The following SMARCC1 variants were observed in gnomAD, a reference collection of about 807,000 sequenced individuals.
The protein encoded by SMARCC1 is SWI/SNF complex subunit SMARCC1.
Under a neutral mutation model 147.4 loss-of-function variants are expected in SMARCC1, and 43 were observed. The observed-to-expected ratio is 0.29, with a 90% confidence interval of 0.23 to 0.38. The LOEUF (loss-of-function observed/expected upper bound fraction) is 0.38, where lower values mean the gene tolerates loss of function less well. Among genes scored for constraint, SMARCC1 ranks in the 10% least tolerant of loss-of-function variants. The pLI, the probability that SMARCC1 is intolerant of heterozygous loss-of-function variation, is 1.00. For missense variants in SMARCC1, 1,119 were observed against 1,381.1 expected (o/e 0.81, Z 3.01); for synonymous variants, 495 against 484.4 (o/e 1.02, Z -0.29).
At chr3:47,728,078 CTTTTTTTT>C (rs1166964500) in intron 6 of SMARCC1, among the ~76,000 whole-genome samples, 28 of 56,876 alleles carry the variant, frequency 4.9e-4, no homozygotes, top group East Asian at 4.2e-3. Context: ...TTATTAGTCC[CTTTTTTTT>C]TTTTTTTTTT....
chr3:47,740,850 CA>C (rs60339024), intron 3 of SMARCC1, among the ~76,000 whole-genome samples: 138 of 77,854 alleles, frequency 1.8e-3, no homozygotes, highest in Admixed American at 8.2e-3. Flanking sequence ...GACTCTGACT[CA>C]AAAAAAAAAA....
intron 24 of SMARCC1, among the ~76,000 whole-genome samples, chr3:47,625,693 G>T (rs932513032): frequency 1.3e-5 from 2 of 152,060 alleles, no homozygotes; most frequent in Non-Finnish European, 1.5e-5. Flanking sequence ...GTGGATCATA[G>T]ATCTAAATAT....
At chr3:47,638,901 C>A in intron 21 of SMARCC1, 121 bp from the exon 22 acceptor site, 1 of 718,808 alleles carries the variant, frequency 1.4e-6, no homozygotes, top group Non-Finnish European at 2.4e-6. Flanking sequence ...AATATCATAG[C>A]CATACAGTTG....
intron 2 of SMARCC1, among the ~76,000 whole-genome samples, chr3:47,767,259 G>A (rs2034851683): frequency 7.6e-6 from 1 of 131,554 alleles, no homozygotes; most frequent in African/African-American, 2.8e-5. Flanking sequence ...TTTTTTTTGA[G>A]ATGGAGTTTC....
rs1576379219 is a variant in SMARCC1, at chr3:47,588,131, A to C, written c.*78T>G. 5.1e-6 allele frequency: 6 copies of C among 1,179,638 alleles called. No homozygotes were observed. Among genetic ancestry groups the C allele is most frequent in the East Asian group, 4.7e-5 (2 of 42,276 alleles). 73.1% of individuals were successfully genotyped at this position (1,179,638 alleles called of 1,614,324 possible). A position where few individuals can be genotyped will look rare whatever the true frequency, so the allele number is the denominator to read the frequency against. On this transcript the variant is annotated 3_prime_UTR_variant, in exon 28 of 28. Transcript: ENST00000254480. ...AGAAAAATCCTGAAAGAAACCCAAGAAAGTTGAGGAACACAAGTCTTGTCA... is the reference window on the plus strand; with the variant it reads ...AGAAAAATCCTGAAAGAAACCCAAGCAAGTTGAGGAACACAAGTCTTGTCA...
At chr3:47,746,277 A>T (rs2034563148) in intron 2 of SMARCC1, 1 of 237,004 alleles carries the variant, frequency 4.2e-6, no homozygotes, top group Admixed American at 5.6e-5. Flanking sequence ...AGGGAGATCC[A>T]GTCTCTAGAA....
rs576667105 is a variant in SMARCC1 at position 47,690,121 on chromosome 3, T to C, written c.1226-697A>G. 2.0e-5 allele frequency among the ~76,000 whole-genome samples: 3 copies of C among 152,160 alleles called. No homozygotes were observed. The East Asian group carries it at 5.8e-4, about 29-fold the overall frequency. On this transcript the variant is annotated intron_variant, in intron 12 of 27. Coordinates refer to ENST00000254480, the MANE Select transcript of SMARCC1 (RefSeq NM_003074.4). ...CTACAGTCCCAGATACTCTGGAGAC[T>C]GAAGTGGGAGACTCACTCAAGGCAA...
At chr3:47,689,156 G>A (rs192608864) in intron 13 of SMARCC1, among the ~76,000 whole-genome samples, 7 of 152,214 alleles carry the variant, frequency 4.6e-5, no homozygotes. Flanking sequence ...AGGTTACAGT[G>A]AGAACCAACA....
intron 1 of SMARCC1, among the ~76,000 whole-genome samples, chr3:47,777,942 A>C (rs2034995071): frequency 6.6e-6 from 1 of 151,832 alleles, no homozygotes; most frequent in South Asian, 2.1e-4. Context: ...ACAGTGGCTC[A>C]TGCCTGTAAT....
chr3:47,742,250 G>C (rs1371003187), intron 3 of SMARCC1, among the ~76,000 whole-genome samples: 1 of 150,622 alleles, frequency 6.6e-6, no homozygotes, highest in Admixed American at 6.6e-5. Flanking sequence ...CTGGGTGACA[G>C]AGCAAGACTC....
At chr3:47,729,117 C>A in intron 5 of SMARCC1, 23 bp from the exon 6 acceptor site, 2 of 1,560,928 alleles carry the variant, frequency 1.3e-6, no homozygotes, top group Non-Finnish European at 1.8e-6. Flanking sequence ...TGAACAAAAA[C>A]CACAAAAATA....
In SMARCC1 at chr3:47,704,968, C is replaced by T. The variant is rs377074940; in HGVS notation, c.1040+1441G>A. ...ATATAAAAAGAATGTAGGCCAGGCA[C>T]GGTGGCTCATGACCCTGTCTCAAAA... On this transcript the variant is annotated intron_variant, in intron 10 of 27. Transcript: ENST00000254480. 2.6e-4 allele frequency among the ~76,000 whole-genome samples: 35 copies of T among 136,774 alleles called. No individual in the cohort carries two copies. In the East Asian group the frequency reaches 3.7e-3, roughly 15 times the overall value. 89.7% of individuals were successfully genotyped at this position (136,774 alleles called of 152,430 possible).
At chr3:47,745,756 A>G (rs1050497531) in intron 3 of SMARCC1, 152 bp downstream of exon 3, 4 of 484,616 alleles carry the variant, frequency 8.3e-6, no homozygotes, top group Non-Finnish European at 1.5e-5. Flanking sequence ...TGGTTGCTTG[A>G]TATTTTTCTT....
intron 2 of SMARCC1, among the ~76,000 whole-genome samples, chr3:47,765,772 G>A (rs556419636): frequency 1.3e-5 from 2 of 149,978 alleles, no homozygotes; most frequent in African/African-American, 2.5e-5. Context: ...TCACTCTGTC[G>A]CCCAGGCTGG....
intron 9 of SMARCC1, among the ~76,000 whole-genome samples, chr3:47,709,378 C>A (rs1366411355): frequency 6.6e-6 from 1 of 152,072 alleles, no homozygotes; most frequent in Non-Finnish European, 1.5e-5. Context: ...ATATCCATCT[C>A]TAAGATTTTT....
chr3:47,611,881 G>C (rs1315563955), intron 25 of SMARCC1, among the ~76,000 whole-genome samples: 1 of 152,190 alleles, frequency 6.6e-6, no homozygotes, highest in East Asian at 1.9e-4. Flanking sequence ...AACAAATAAA[G>C]AGAGTAAACG....
intron 19 of SMARCC1, among the ~76,000 whole-genome samples, chr3:47,666,875 G>C (rs761930037): frequency 3.3e-5 from 5 of 152,110 alleles, no homozygotes; most frequent in Non-Finnish European, 5.9e-5. Context: ...TCTTAGTGTA[G>C]TTCAAAAGTA....
chr3:47,725,879 T>C lies in SMARCC1; in HGVS notation c.646+3146A>G, dbSNP rs888555153. On this transcript the variant is annotated intron_variant, in intron 6 of 27. Transcript: ENST00000254480. ...GAGTTCAAGACGAGCCTGGCCAACA[T>C]GGTGAAACCCCGTCTCTACTAAAAA... Among the ~76,000 whole-genome samples the C allele has an allele frequency of 6.1e-5, 9 of 146,528 alleles. No individual in the cohort carries two copies. In the East Asian group the frequency reaches 6.9e-4, roughly 11 times the overall value.
chr3:47,613,375 G>A (rs2032589467), intron 25 of SMARCC1, among the ~76,000 whole-genome samples: 1 of 151,204 alleles, frequency 6.6e-6, no homozygotes, highest in African/African-American at 2.4e-5. Context: ...GGAAGTAGGA[G>A]AACTTTTCTC....
Sources: gnomAD v4.1 joint callset for allele counts (sites outside exome capture counted in the v4.1 genomes callset) on GRCh38, gnomAD v4.1.1 for gene constraint, MANE v1.5 for transcripts, NCBI Gene and HGNC (gene_info 2026-07-23, HGNC 2026-07-21) for gene names.